HIVEP3: variants seen among roughly 807,000 people sequenced by gnomAD.
HIVEP3 encodes transcription factor HIVEP3.
Under a neutral mutation model 152.8 loss-of-function variants are expected in HIVEP3, and 49 were observed. That is an observed-to-expected ratio of 0.32 (90% CI 0.26 to 0.41). The LOEUF (loss-of-function observed/expected upper bound fraction) is 0.41. HIVEP3 is among the 10% of genes least tolerant of loss of function. HIVEP3 has a pLI of 1.00. For missense variants in HIVEP3, 2,790 were observed against 3,103.3 expected (o/e 0.90, Z 2.40); for synonymous variants, 1,269 against 1,289.0 (o/e 0.98, Z 0.33).
chr1:41,584,912 T>A lies in HIVEP3; in HGVS notation c.-115A>T. On this transcript the variant is annotated 5_prime_UTR_variant, in exon 4 of 9. Transcript: ENST00000372583. The surrounding 1 kb of genome is among the most constrained non-coding windows in gnomAD (Gnocchi z 5.2). The stretch of plus-strand genomic sequence containing the variant: ...CTTTGGCCACATTGGTCAAGAGCTG[T>A]GGGAGCCAAACCCAAGACGGCTTTG... 1 of 1,030,112 alleles carries A rather than the reference T, an allele frequency of 9.7e-7. No individual in the cohort carries two copies. The highest frequency in any genetic ancestry group is 1.3e-6 in the Non-Finnish European group (1 of 758,726). The allele number at this position is 1,030,112 out of a possible 1,614,324, so 63.8% of individuals were successfully genotyped here.
At chr1:41,788,404 C>A (rs1351986628) in intron 1 of HIVEP3, among the ~76,000 whole-genome samples, 1 of 152,232 alleles carries the variant, frequency 6.6e-6, no homozygotes, top group Non-Finnish European at 1.5e-5. Context: ...GAAGTGGCCA[C>A]CCAAGACCAC....
rs1279917061 is a variant in HIVEP3 at position 41,992,332 on chromosome 1, C to G, written n.119+43475G>C. Among the ~76,000 whole-genome samples, 3 of 150,632 alleles carry G rather than the reference C, an allele frequency of 2.0e-5. No homozygotes were observed. The East Asian group carries it at 5.9e-4, about 29-fold the overall frequency. ...ATACAAAATAAATGTACAAAAATCA[C>G]AAGCATTCTTATACACCAACAACAG... On this transcript the variant is annotated intron_variant and non_coding_transcript_variant, in intron 1 of 3. Coordinates refer to the HIVEP3 transcript ENST00000489103.
At chr1:41,531,200 T>C (rs4660544) in intron 5 of HIVEP3, among the ~76,000 whole-genome samples, 62,707 of 119,876 alleles carry the variant, frequency 0.52, 15,238 homozygotes, top group Middle Eastern at 0.6. Flanking sequence ...GATGGAGGAC[T>C]GGAGAGATAG....
intron 5 of HIVEP3, among the ~76,000 whole-genome samples, chr1:41,544,831 TCAC>T (rs1483052808): frequency 0.014 from 138 of 10,126 alleles, no homozygotes; most frequent in African/African-American, 0.055. Flanking sequence ...ACCACCACCA[TCAC>T]CACCACCACT....
At chr1:41,870,527 G>A (rs933016453) in intron 1 of HIVEP3, among the ~76,000 whole-genome samples, 12 of 152,140 alleles carry the variant, frequency 7.9e-5, no homozygotes, top group Non-Finnish European at 1.3e-4. Context: ...CATACTGGCC[G>A]GGTGAACGTA....
chr1:41,966,772 T>G, intron 1 of HIVEP3, among the ~76,000 whole-genome samples: 1 of 151,732 alleles, frequency 6.6e-6, no homozygotes, highest in Non-Finnish European at 1.5e-5. Flanking sequence ...TGAGCCACCA[T>G]GCCTGGCCCA....
At position 41,581,764 on chromosome 1, in the gene HIVEP3, A is replaced by T. The variant is rs1644413480; in HGVS notation, c.3034T>A (p.Ser1012Thr). 6.3e-7 allele frequency: 1 copy of T among 1,597,194 alleles called. No individual in the cohort carries two copies. The highest frequency in any genetic ancestry group is 2.2e-5 in the East Asian group (1 of 44,688). Residue 1012 changes from serine (S) to threonine (T), a missense_variant, in exon 4 of 9, where the codon TCC becomes ACC. By Grantham distance (58) the Ser-to-Thr change is moderately conservative. This residue lies in a region of HIVEP3 where 1,078 missense variants were observed against 1,165.3 expected (regional missense o/e 0.93). Coordinates refer to ENST00000372583, the MANE Select transcript of HIVEP3 (RefSeq NM_024503.5). This position sits in a 1 kb window ranked among gnomAD's most constrained non-coding sequence, Gnocchi z 4.5. ...SAHMTETRSKSFDYGSLSLTG... is the reference protein window; with the variant it reads ...SAHMTETRSKTFDYGSLSLTG... ...AAGGACAAGCTGCCATAGTCAAAGG[A>T]TTTGCTGCGTGTCTCGGTCATGTGG...
At position 41,580,063 on chromosome 1, in the gene HIVEP3, T is replaced by C. The variant is rs1644377670; in HGVS notation, c.4735A>G (p.Arg1579Gly). The stretch of plus-strand genomic sequence containing the variant: ...GTACCTTCTTGTGACTTGGCTGGTC[T>C]GGAGGACGTTTCTGACAGAGGCAGA... ...SSLPLSETSS[R>G]PAKSQEGTDS... Residue 1579 changes from arginine to glycine, a missense_variant, in exon 4 of 9, where the codon AGA becomes GGA. Coordinates refer to ENST00000372583, the MANE Select transcript of HIVEP3 (RefSeq NM_024503.5). 1 of 1,614,090 alleles carries C rather than the reference T, an allele frequency of 6.2e-7. No individual in the cohort carries two copies. The highest frequency in any genetic ancestry group is 1.3e-5 in the African/African-American group (1 of 74,946).
In HIVEP3 at chr1:41,945,218, G is replaced by A. The variant is rs561837450; in HGVS notation, n.120-26694C>T. Reference sequence around the variant, plus strand: ...TCCTTCCCCAACTAATAAGGACCCCGCCTTCAACCCAAACGGTACAAAAGG... The same window carrying A: ...TCCTTCCCCAACTAATAAGGACCCCACCTTCAACCCAAACGGTACAAAAGG... On this transcript the variant is annotated intron_variant and non_coding_transcript_variant, in intron 1 of 3. Coordinates refer to the HIVEP3 transcript ENST00000489103. Among the ~76,000 whole-genome samples the A allele has an allele frequency of 4.7e-4, 71 of 152,002 alleles. 1 individual carries two copies. Among genetic ancestry groups the A allele is most frequent in the South Asian group, 1.5e-3 (7 of 4,814 alleles).
intron 2 of HIVEP3, among the ~76,000 whole-genome samples, chr1:41,649,875 A>G (rs1478843355): frequency 6.6e-6 from 1 of 152,158 alleles, no homozygotes; most frequent in East Asian, 1.9e-4. Context: ...GTAAGACTAG[A>G]ATTAAATTAG....
chr1:41,759,465 A>C (rs1647525965), intron 1 of HIVEP3, among the ~76,000 whole-genome samples: 1 of 152,140 alleles, frequency 6.6e-6, no homozygotes, highest in Non-Finnish European at 1.5e-5. Flanking sequence ...GGCTATTGTG[A>C]ATAGTGCTGA....
chr1:41,569,632 A>T (rs995877504), intron 5 of HIVEP3, among the ~76,000 whole-genome samples: 12 of 152,226 alleles, frequency 7.9e-5, no homozygotes, highest in African/African-American at 2.7e-4. Flanking sequence ...TTGTAAAAAA[A>T]CTATTAGAAA....
At chr1:41,948,472 A>C (rs554151029) in intron 1 of HIVEP3, among the ~76,000 whole-genome samples, 1 of 152,210 alleles carries the variant, frequency 6.6e-6, no homozygotes, top group Non-Finnish European at 1.5e-5. Flanking sequence ...GCAGTCTTAC[A>C]CTGCCAGAGT....
intron 1 of HIVEP3, among the ~76,000 whole-genome samples, chr1:41,850,705 C>A (rs192656676): frequency 1.4e-4 from 21 of 152,306 alleles, no homozygotes; most frequent in African/African-American, 5.1e-4. Context: ...TGGTTCCCTC[C>A]AAGTTCAACT....
chr1:41,878,929 T>C (rs1644217802), intron 1 of HIVEP3, among the ~76,000 whole-genome samples: 1 of 146,060 alleles, frequency 6.8e-6, no homozygotes, highest in Admixed American at 6.9e-5. Context: ...GCCCAGGTGA[T>C]GGCAGGGATA....
chr1:41,796,475 G>A (rs982168196), intron 1 of HIVEP3, among the ~76,000 whole-genome samples: 3 of 152,224 alleles, frequency 2.0e-5, no homozygotes, highest in African/African-American at 4.8e-5. Context: ...TTCTTTTTCC[G>A]TAAAATGAGG....
intron 5 of HIVEP3, among the ~76,000 whole-genome samples, chr1:41,534,445 C>T (rs931459197): frequency 1.3e-5 from 2 of 152,208 alleles, no homozygotes. Context: ...ACCAGCTCCT[C>T]CACTCTACCA....
At chr1:41,785,074 T>C (rs1407966029) in intron 1 of HIVEP3, among the ~76,000 whole-genome samples, 1 of 152,178 alleles carries the variant, frequency 6.6e-6, no homozygotes, top group Admixed American at 6.5e-5. Flanking sequence ...CTAAAAGGTC[T>C]TTAGACATAG....
At chr1:41,812,086 T>C (rs1283244127) in intron 1 of HIVEP3, among the ~76,000 whole-genome samples, 1 of 152,148 alleles carries the variant, frequency 6.6e-6, no homozygotes, top group Non-Finnish European at 1.5e-5. Context: ...CCCAGGTCAT[T>C]AATCTCTCTG....
Sources: gnomAD v4.1 joint callset for allele counts (sites outside exome capture counted in the v4.1 genomes callset) on GRCh38, gnomAD v4.1.1 for gene constraint, gnomAD v4.1.1 regional missense constraint, Gnocchi (gnomAD v3.1) non-coding constraint, MANE v1.5 for transcripts, NCBI Gene and HGNC (gene_info 2026-07-23, HGNC 2026-07-21) for gene names.